The following ANO6 variants were observed in gnomAD, a reference collection of about 807,000 sequenced individuals.
ANO6 encodes the protein anoctamin 6.
Under a neutral mutation model 117.5 loss-of-function variants are expected in ANO6, and 106 were observed. The ratio of observed to expected loss-of-function variants is 0.90; its 90% CI spans 0.77 to 1.06. The LOEUF (loss-of-function observed/expected upper bound fraction) is 1.06, where lower values mean the gene tolerates loss of function less well. ANO6 is among the 50% of genes least tolerant of loss of function. ANO6 has a pLI of 0.00. For missense variants in ANO6, 955 were observed against 1,121.1 expected, an observed-to-expected ratio of 0.85 and a Z score of 2.12; for synonymous variants, 367 against 385.1, an observed-to-expected ratio of 0.95 and a Z score of 0.55.
chr12:45,388,386 G>A, intron 11 of ANO6, 83 bp downstream of exon 11: 1 of 1,566,946 alleles, frequency 6.4e-7, no homozygotes. Context: ...AATCACTTGG[G>A]GGAGCTTAAA....
intron 15 of ANO6, 62 bp from the exon 16 acceptor site, chr12:45,409,295 A>G (rs1188747173): frequency 3.7e-6 from 6 of 1,600,352 alleles, no homozygotes; most frequent in Non-Finnish European, 5.1e-6. Context: ...TAGCAGCAAA[A>G]TATTTTTATG....
intron 1 of ANO6, among the ~76,000 whole-genome samples, chr12:45,255,798 C>T (rs762498842): frequency 6.9e-6 from 1 of 145,478 alleles, no homozygotes; most frequent in Admixed American, 6.9e-5. Context: ...TCCATCTGGC[C>T]CCAGGTTTTC....
intron 10 of ANO6, among the ~76,000 whole-genome samples, chr12:45,387,814 G>T (rs1325971051): frequency 6.6e-6 from 1 of 152,070 alleles, no homozygotes; most frequent in Non-Finnish European, 1.5e-5. Context: ...CATGGGGTTG[G>T]ATTTCCCCCA....
At chr12:45,308,635 G>A (rs959839394) in intron 2 of ANO6, among the ~76,000 whole-genome samples, 6 of 152,212 alleles carry the variant, frequency 3.9e-5, no homozygotes, top group Admixed American at 6.5e-5. Flanking sequence ...CTTGAGGGGA[G>A]CAAGTGTAGA....
chr12:45,292,858 G>T lies in ANO6; in HGVS notation c.71-9156G>T. 5 of 1,548,252 alleles carry T rather than the reference G, an allele frequency of 3.2e-6. No homozygotes were observed. In the South Asian group the frequency reaches 6.0e-5, roughly 19 times the overall value. On this transcript the variant is annotated intron_variant, in intron 1 of 19. Coordinates refer to ENST00000320560, the MANE Select transcript of ANO6 (RefSeq NM_001025356.3). ...GAGTTGTCACTTAAGGTAGAGGTAG[G>T]AGGGTAAGAAGCGTCAAGGACTCAC...
intron 1 of ANO6, among the ~76,000 whole-genome samples, chr12:45,249,799 G>C (rs1391992435): frequency 6.6e-6 from 1 of 152,236 alleles, no homozygotes; most frequent in Admixed American, 6.5e-5. Flanking sequence ...CGCTAGCCCT[G>C]TGTATGCCAA....
At chr12:45,351,249 T>G (rs370636758) in intron 7 of ANO6, among the ~76,000 whole-genome samples, 11 of 152,342 alleles carry the variant, frequency 7.2e-5, no homozygotes, top group African/African-American at 2.4e-4. Context: ...CCAAATTCCA[T>G]ATTGCACAGA....
intron 1 of ANO6, among the ~76,000 whole-genome samples, chr12:45,232,955 G>C (rs1947595444): frequency 6.6e-6 from 1 of 152,208 alleles, no homozygotes; most frequent in Non-Finnish European, 1.5e-5. Flanking sequence ...AAGAAAGAGA[G>C]GGAGCAGGTA....
rs960132492 is a variant in ANO6 at position 45,302,096 on chromosome 12, G to A, written c.150+3G>A. ...ATGATTTTCGAACCCCGGAGTTTGTGAGTACTATTCCTTTATCTTAAATTT... is the reference window on the plus strand; with the variant it reads ...ATGATTTTCGAACCCCGGAGTTTGTAAGTACTATTCCTTTATCTTAAATTT... On this transcript the variant is annotated splice_donor_region_variant and intron_variant, in intron 2 of 19. Coordinates refer to ENST00000320560, the MANE Select transcript of ANO6 (RefSeq NM_001025356.3). 2 of 1,613,002 alleles carry A rather than the reference G, an allele frequency of 1.2e-6. No individual in the cohort carries two copies. The highest frequency in any genetic ancestry group is 1.7e-6 in the Non-Finnish European group (2 of 1,179,040).
Position 45,429,254 on chromosome 12 carries a change from G to C in ANO6, c.2676G>C (p.Val892=). 2.5e-6 allele frequency: 4 copies of C among 1,613,916 alleles called. No homozygotes were observed. The highest frequency in any genetic ancestry group is 3.4e-6 in the Non-Finnish European group (4 of 1,179,914). ...AAGATATGACGAAAAATATGGGGGT[G>C]ATAGCTGAGCGGATGATAGAAGCAG... ...HLKDMTKNMG[V]IAERMIEAVD... is the part of the protein sequence containing the mutation. Residue 892 remains valine, a synonymous_variant, in exon 20 of 20, where the codon GTG becomes GTC. Coordinates refer to ENST00000320560, the MANE Select transcript of ANO6 (RefSeq NM_001025356.3).
chr12:45,289,948 T>G (rs543909461), intron 1 of ANO6, among the ~76,000 whole-genome samples: 101 of 152,198 alleles, frequency 6.6e-4, no homozygotes, highest in Non-Finnish European at 5.7e-4. Context: ...GAAAAAAATT[T>G]TTTTGGTAAT....
rs557977531 is a variant in ANO6 at position 45,413,088 on chromosome 12, A to G, written c.2011+3601A>G. The stretch of plus-strand genomic sequence containing the variant: ...GCCTGAGGACTTGAACTTTATTCTT[A>G]AAGAAATTAGGATCCACTGGAATAT... On this transcript the variant is annotated intron_variant, in intron 16 of 19. Coordinates refer to ENST00000320560, the MANE Select transcript of ANO6 (RefSeq NM_001025356.3). Among the ~76,000 whole-genome samples the G allele has an allele frequency of 3.3e-5, 5 of 152,362 alleles. No individual in the cohort carries two copies. The South Asian group carries it at 1.0e-3, about 32-fold the overall frequency.
chr12:45,415,116 A>G (rs1258978393), intron 16 of ANO6, among the ~76,000 whole-genome samples: 1 of 152,076 alleles, frequency 6.6e-6, no homozygotes, highest in Non-Finnish European at 1.5e-5. Context: ...TTTACATTAG[A>G]ATTCTAAATT....
intron 12 of ANO6, among the ~76,000 whole-genome samples, chr12:45,399,308 G>A (rs749028066): frequency 6.6e-6 from 1 of 152,122 alleles, no homozygotes; most frequent in Non-Finnish European, 1.5e-5. Flanking sequence ...TGATTCTCCT[G>A]TCTCAGCCTC....
At chr12:45,390,280 A>T (rs1236335430) in intron 11 of ANO6, 141 bp from the exon 12 acceptor site, 6 of 726,662 alleles carry the variant, frequency 8.3e-6, no homozygotes, top group Non-Finnish European at 9.7e-6. Context: ...GTTAACAAAA[A>T]AGTGCAATTA....
At chr12:45,289,170 C>CTT (rs11410863) in intron 1 of ANO6, among the ~76,000 whole-genome samples, 4,241 of 135,626 alleles carry the variant, frequency 0.031, 151 homozygotes, top group Non-Finnish European at 0.043. Flanking sequence ...ATTATTATTA[C>CTT]TTTTTTTTTT....
intron 1 of ANO6, chr12:45,292,694 G>A: frequency 7.6e-7 from 1 of 1,307,398 alleles, no homozygotes; most frequent in South Asian, 2.2e-5. Flanking sequence ...TGGGGCAGAG[G>A]AGGCTTGTAG....
chr12:45,242,337 G>T (rs564865577), intron 1 of ANO6, among the ~76,000 whole-genome samples: 5 of 152,260 alleles, frequency 3.3e-5, no homozygotes, highest in Non-Finnish European at 5.9e-5. Context: ...TCAGACTGCC[G>T]CACTAGCAGT....
At position 45,387,869 on chromosome 12, in the gene ANO6, T is replaced by C. The variant is rs12318489; in HGVS notation, c.1166-292T>C. ...AGTGAGTTCTCATGAGATCTGATGGTTTAAAGCTGTGGCACTTTCCTCCGT... is the reference window on the plus strand; with the variant it reads ...AGTGAGTTCTCATGAGATCTGATGGCTTAAAGCTGTGGCACTTTCCTCCGT... On this transcript the variant is annotated intron_variant, in intron 10 of 19. Transcript: ENST00000320560. 9.7e-3 allele frequency among the ~76,000 whole-genome samples: 1,475 copies of C among 152,120 alleles called. 26 individuals are homozygous for C. The highest frequency in any genetic ancestry group is 0.034 in the African/African-American group (1,415 of 41,466).
Sources: gnomAD v4.1 joint callset for allele counts (sites outside exome capture counted in the v4.1 genomes callset) on GRCh38, gnomAD v4.1.1 for gene constraint, MANE v1.5 for transcripts, NCBI Gene and HGNC (gene_info 2026-07-23, HGNC 2026-07-21) for gene names.